The following RBFOX1 variants were observed in gnomAD, a reference collection of about 807,000 sequenced individuals.
RBFOX1 encodes the protein RNA binding fox-1 homolog 1, also known as RNA binding protein fox-1 homolog 1.
In RBFOX1, 8 loss-of-function variants were observed where a neutral mutation model predicts 57.7. The ratio of observed to expected loss-of-function variants is 0.14; its 90% CI spans 0.08 to 0.25. RBFOX1 has a LOEUF of 0.25. RBFOX1 is among the 10% of genes least tolerant of loss of function. The pLI, the probability that RBFOX1 is intolerant of heterozygous loss-of-function variation, is 1.00. For missense variants in RBFOX1, 611 were observed against 548.5 expected (o/e 1.11, Z -1.14); for synonymous variants, 326 against 222.4 (o/e 1.47, Z -4.15).
chr16:6,793,937 A>T (rs1363399640), intron 3 of RBFOX1, among the ~76,000 whole-genome samples: 1 of 152,128 alleles, frequency 6.6e-6, no homozygotes, highest in African/African-American at 2.4e-5. Flanking sequence ...GTGATCACAT[A>T]CTGAGATGAA....
intron 3 of RBFOX1, among the ~76,000 whole-genome samples, chr16:6,805,819 TGTC>T (rs1214371368): frequency 1.4e-4 from 21 of 152,188 alleles, no homozygotes; most frequent in African/African-American, 4.3e-4. Flanking sequence ...GCTGCCCTGT[TGTC>T]CTCAGCATCT....
chr16:5,871,535 C>G (rs1480767665), intron 4 of RBFOX1, among the ~76,000 whole-genome samples: 1 of 152,140 alleles, frequency 6.6e-6, no homozygotes, highest in Non-Finnish European at 1.5e-5. Context: ...CACATTTCCC[C>G]CCTATTTATC....
At chr16:7,032,884 G>T (rs769328784) in intron 3 of RBFOX1, among the ~76,000 whole-genome samples, 3 of 152,156 alleles carry the variant, frequency 2.0e-5, no homozygotes, top group Non-Finnish European at 4.4e-5. Flanking sequence ...TCAAATTTCT[G>T]CAGCTGAGAG....
intron 4 of RBFOX1, among the ~76,000 whole-genome samples, chr16:7,175,627 T>A (rs2081508508): frequency 1.3e-5 from 2 of 152,152 alleles, no homozygotes. Flanking sequence ...GGATCCATTA[T>A]CTCACCCCAA....
intron 3 of RBFOX1, among the ~76,000 whole-genome samples, chr16:6,744,028 TC>T (rs2072979079): frequency 6.6e-6 from 1 of 151,996 alleles, no homozygotes; most frequent in Admixed American, 6.6e-5. Flanking sequence ...TGTATTTCTT[TC>T]CTTTAAAAAG....
At chr16:5,466,266 A>C (rs1267762246) in intron 1 of RBFOX1, among the ~76,000 whole-genome samples, 1 of 152,206 alleles carries the variant, frequency 6.6e-6, no homozygotes, top group Non-Finnish European at 1.5e-5. Context: ...GTGTCTGTGC[A>C]GTGGGCCCTT....
Position 6,768,083 on chromosome 16 carries a change from A to T in RBFOX1, c.-16+113433A>T, listed in dbSNP as rs536848085. 3.1e-4 allele frequency among the ~76,000 whole-genome samples: 47 copies of T among 151,772 alleles called. No homozygotes were observed. In the South Asian group the frequency reaches 5.2e-3, roughly 17 times the overall value. ...TTTTCTCCCTTAGTTATTTAGCTGG[A>T]AATATGAATCCACTGATAAAGGTGG... On this transcript the variant is annotated intron_variant, in intron 3 of 15. Coordinates refer to ENST00000550418, the MANE Select transcript of RBFOX1 (RefSeq NM_018723.4).
chr16:7,682,192 T>G (rs890254067), intron 14 of RBFOX1, among the ~76,000 whole-genome samples: 3 of 152,170 alleles, frequency 2.0e-5, no homozygotes, highest in Non-Finnish European at 1.5e-5. Context: ...TTCATGTTCT[T>G]CCTTGGCAAA....
In RBFOX1 at chr16:7,580,180, A is replaced by G. The variant is rs75462127; in HGVS notation, c.414+260A>G. ...GTAACTTGTAGGCCAAATGGAACAC[A>G]AATTCCTAGATGACCCACTGTTGAA... On this transcript the variant is annotated intron_variant, in intron 6 of 15. Transcript: ENST00000550418. Among the ~76,000 whole-genome samples the G allele has an allele frequency of 5.5e-3, 831 of 152,270 alleles. 6 individuals are homozygous for G. The highest frequency in any genetic ancestry group is 0.019 in the African/African-American group (774 of 41,548).
At chr16:5,851,733 C>T (rs906578760) in intron 3 of RBFOX1, among the ~76,000 whole-genome samples, 12 of 152,152 alleles carry the variant, frequency 7.9e-5, no homozygotes. Flanking sequence ...AATACTGTGT[C>T]CTTTTAAAAA....
At chr16:6,684,279 A>G (rs2154125510) in intron 3 of RBFOX1, among the ~76,000 whole-genome samples, 1 of 152,352 alleles carries the variant, frequency 6.6e-6, no homozygotes, top group East Asian at 1.9e-4. Flanking sequence ...TGCACGATAA[A>G]GAAAAGCTCC....
intron 4 of RBFOX1, among the ~76,000 whole-genome samples, chr16:7,072,114 A>G (rs1393264447): frequency 1.3e-5 from 2 of 152,152 alleles, no homozygotes; most frequent in African/African-American, 2.4e-5. Context: ...GTAAACATGT[A>G]TCTTGAGCTG....
chr16:7,131,755 G>T (rs929781066), intron 4 of RBFOX1, among the ~76,000 whole-genome samples: 3 of 151,944 alleles, frequency 2.0e-5, no homozygotes, highest in African/African-American at 7.3e-5. Flanking sequence ...TGGCCACTCA[G>T]GTTCTCTGAA....
At position 6,228,812 on chromosome 16, in the gene RBFOX1, C is replaced by G. The variant is rs58284650; in HGVS notation, c.-126-88183C>G. On this transcript the variant is annotated intron_variant, in intron 1 of 15. Transcript: ENST00000550418. ...CGAGTAGATTTTAAGTGTTCTCACA[C>G]AAAACACAAGGACGTGAAATAATGT... Among the ~76,000 whole-genome samples, 455 of 152,168 alleles carry G rather than the reference C, an allele frequency of 3.0e-3. 1 individual carries two copies. The highest frequency in any genetic ancestry group is 1.0e-2 in the African/African-American group (415 of 41,508).
rs184458007 is a variant in RBFOX1, at chr16:7,029,995, G to A, written c.-15-22062G>A. ...GACAGTCAACAAGGACACACTTTTC[G>A]GTCACGTGTGTGTGATCCCTTTATG... On this transcript the variant is annotated intron_variant, in intron 3 of 15. Transcript: ENST00000550418. Among the ~76,000 whole-genome samples the A allele has an allele frequency of 5.2e-4, 79 of 152,274 alleles. 1 individual carries two copies. Among genetic ancestry groups the A allele is most frequent in the African/African-American group, 1.8e-3 (76 of 41,562 alleles).
At chr16:7,054,814 G>C (rs1279949292) in intron 4 of RBFOX1, among the ~76,000 whole-genome samples, 1 of 152,140 alleles carries the variant, frequency 6.6e-6, no homozygotes, top group Non-Finnish European at 1.5e-5. Flanking sequence ...TCATGTCGAG[G>C]GTCCTTCATT....
At chr16:6,501,825 GA>G (rs1555507729) in intron 2 of RBFOX1, among the ~76,000 whole-genome samples, 4 of 124,734 alleles carry the variant, frequency 3.2e-5, no homozygotes, top group Non-Finnish European at 5.2e-5. Flanking sequence ...ACACTGGGGG[GA>G]AATTCTTCTT....
At chr16:7,538,388 A>G (rs1347370396) in intron 5 of RBFOX1, among the ~76,000 whole-genome samples, 1 of 152,150 alleles carries the variant, frequency 6.6e-6, no homozygotes, top group Non-Finnish European at 1.5e-5. Flanking sequence ...TACTGCCACA[A>G]CTACCTCAAC....
At chr16:7,188,391 C>G (rs541693183) in intron 4 of RBFOX1, among the ~76,000 whole-genome samples, 12 of 152,258 alleles carry the variant, frequency 7.9e-5, no homozygotes, top group African/African-American at 2.9e-4. Flanking sequence ...TATGAAAAAC[C>G]TAGAGTTAAA....
Sources: gnomAD v4.1 joint callset for allele counts (sites outside exome capture counted in the v4.1 genomes callset) on GRCh38, gnomAD v4.1.1 for gene constraint, MANE v1.5 for transcripts, NCBI Gene and HGNC (gene_info 2026-07-23, HGNC 2026-07-21) for gene names.